ADAMTS20: variants seen among roughly 807,000 people sequenced by gnomAD.
ADAMTS20 encodes the protein ADAM metallopeptidase with thrombospondin type 1 motif 20, also known as A disintegrin and metalloproteinase with thrombospondin motifs 20.
In ADAMTS20, 225 loss-of-function variants were observed where a neutral mutation model predicts 260.1. The ratio of observed to expected loss-of-function variants is 0.87; its 90% CI spans 0.78 to 0.97. The LOEUF is 0.97. ADAMTS20 is among the 50% of genes least tolerant of loss of function. The pLI is 0.00. For synonymous variants in ADAMTS20, 802 were observed against 769.5 expected (o/e 1.04, Z -0.70); for missense variants, 2,400 against 2,337.7 (o/e 1.03, Z -0.55).
intron 29 of ADAMTS20, among the ~76,000 whole-genome samples, chr12:43,385,885 G>T (rs1940461699): frequency 1.3e-5 from 2 of 152,080 alleles, no homozygotes; most frequent in African/African-American, 2.4e-5. Context: ...AGTCTTGGGA[G>T]GGTTTATGCG....
At chr12:43,485,094 C>CA (rs59409245) in intron 7 of ADAMTS20, among the ~76,000 whole-genome samples, 3,133 of 118,658 alleles carry the variant, frequency 0.026, 64 homozygotes, top group Middle Eastern at 0.039. Context: ...AGGACGTAGC[C>CA]AAAAAAAAAA....
intron 7 of ADAMTS20, among the ~76,000 whole-genome samples, chr12:43,477,655 TTC>T (rs143217172): frequency 6.6e-5 from 10 of 150,834 alleles, no homozygotes; most frequent in Admixed American, 6.6e-5. Context: ...GTCTCTTTCT[TTC>T]TCTCTCTCTC....
At position 43,420,800 on chromosome 12, in the gene ADAMTS20, C is replaced by CTTTTTTTTTTTTTTTTTTTTT. The variant is rs747496684; in HGVS notation, c.4284+4693_4284+4713dup. ...TCTTCTTCTTCTCCTCCTCCTCCTTCTTTTTTTTTTTTTTTTTTTTTTTTT... is the reference window on the plus strand; with the variant it reads ...TCTTCTTCTTCTCCTCCTCCTCCTTCTTTTTTTTTTTTTTTTTTTTTTTTTTTTTTTTTTTTTTTTTTTTTT... On this transcript the variant is annotated intron_variant, in intron 28 of 38. Transcript: ENST00000389420. Among the ~76,000 whole-genome samples, 167 of 55,500 alleles carry CTTTTTTTTTTTTTTTTTTTTT rather than the reference C, an allele frequency of 3.0e-3. 23 individuals carry two copies. The highest frequency in any genetic ancestry group is 0.018 in the East Asian group (13 of 734). 36.4% of individuals were successfully genotyped at this position (55,500 alleles called of 152,430 possible).
chr12:43,520,950 T>C (rs901522755), intron 3 of ADAMTS20, among the ~76,000 whole-genome samples: 4 of 152,222 alleles, frequency 2.6e-5, no homozygotes, highest in African/African-American at 9.6e-5. Context: ...ATCTTCTTCG[T>C]AAAGTACAAA....
chr12:43,489,299 A>G (rs531788713), intron 7 of ADAMTS20, among the ~76,000 whole-genome samples: 8 of 148,176 alleles, frequency 5.4e-5, no homozygotes, highest in African/African-American at 1.6e-4. Flanking sequence ...TTTCACACAT[A>G]AAAGAATGAA....
At chr12:43,472,555 T>G (rs1023030504) in intron 7 of ADAMTS20, among the ~76,000 whole-genome samples, 1 of 132,636 alleles carries the variant, frequency 7.5e-6, no homozygotes, top group African/African-American at 2.9e-5. Flanking sequence ...AAAGTTGAAA[T>G]GAAGGAAAAA....
Position 43,483,707 on chromosome 12 carries a change from G to C in ADAMTS20, c.1117+6688C>G, listed in dbSNP as rs189384678. Among the ~76,000 whole-genome samples, 5 of 152,082 alleles carry C rather than the reference G, an allele frequency of 3.3e-5. 1 individual carries two copies. Among genetic ancestry groups the C allele is most frequent in the Non-Finnish European group, 7.4e-5 (5 of 67,998 alleles). On this transcript the variant is annotated intron_variant, in intron 7 of 38. Coordinates refer to ENST00000389420, the MANE Select transcript of ADAMTS20 (RefSeq NM_025003.5). ...CCTGCTGGCTTGGAAGGAGAGTCAC[G>C]GTGGCTCCTTCTCTTCCCCTTGAAA...
At chr12:43,530,613 C>T (rs1224690509) in intron 3 of ADAMTS20, among the ~76,000 whole-genome samples, 1 of 152,126 alleles carries the variant, frequency 6.6e-6, no homozygotes, top group East Asian at 1.9e-4. Context: ...CGGACACCTA[C>T]GATCTCAAAT....
chr12:43,528,429 T>A (rs1943176572), intron 3 of ADAMTS20, among the ~76,000 whole-genome samples: 1 of 139,002 alleles, frequency 7.2e-6, no homozygotes, highest in African/African-American at 2.7e-5. Context: ...AAGGCTATAG[T>A]AACCAAAACA....
In ADAMTS20 at chr12:43,376,093, T is replaced by C. The variant is rs1246068626; in HGVS notation, c.5276A>G (p.Gln1759Arg). ...CACTTCAGAAAAGTTTTCTTCACCT[T>C]GGACCAGTGTTAAATATTCCTTAGG... ...ENPKEYLTLV[Q>R]GEENFSEVYG... Residue 1759 changes from glutamine (Q) to arginine (R), a missense_variant, in exon 35 of 39, where the codon CAA becomes CGA. By Grantham distance (43) the Gln-to-Arg change is conservative. Coordinates refer to ENST00000389420, the MANE Select transcript of ADAMTS20 (RefSeq NM_025003.5). 1.2e-6 allele frequency: 2 copies of C among 1,610,974 alleles called. No homozygotes were observed. Among genetic ancestry groups the C allele is most frequent in the African/African-American group, 2.7e-5 (2 of 74,892 alleles).
chr12:43,537,949 G>A (rs1471767751), intron 2 of ADAMTS20, among the ~76,000 whole-genome samples: 1 of 152,076 alleles, frequency 6.6e-6, no homozygotes, highest in Non-Finnish European at 1.5e-5. Flanking sequence ...CCAAATCTTG[G>A]CTATTGTGAA....
At chr12:43,439,474 G>C in intron 18 of ADAMTS20, 148 bp downstream of exon 18, 1 of 894,576 alleles carries the variant, frequency 1.1e-6, no homozygotes, top group Non-Finnish European at 1.6e-6. Context: ...AAAGTAGAAA[G>C]GAAAAAAAGA....
intron 32 of ADAMTS20, among the ~76,000 whole-genome samples, chr12:43,377,084 C>T (rs1322137988): frequency 6.6e-6 from 1 of 152,094 alleles, no homozygotes; most frequent in Non-Finnish European, 1.5e-5. Context: ...TTCACTTAAC[C>T]AATAAATATT....
intron 11 of ADAMTS20, among the ~76,000 whole-genome samples, chr12:43,461,283 G>A (rs1813731504): frequency 6.6e-6 from 1 of 151,652 alleles, no homozygotes; most frequent in African/African-American, 2.4e-5. Flanking sequence ...GAGTCACCGT[G>A]CCCAGCCACA....
intron 31 of ADAMTS20, among the ~76,000 whole-genome samples, chr12:43,380,615 G>A (rs1028044107): frequency 1.3e-5 from 2 of 152,018 alleles, no homozygotes; most frequent in Middle Eastern, 3.4e-3. Flanking sequence ...CTATACACAA[G>A]CAACGAATAA....
At chr12:43,537,592 G>T (rs1943314624) in intron 2 of ADAMTS20, among the ~76,000 whole-genome samples, 2 of 151,886 alleles carry the variant, frequency 1.3e-5, no homozygotes, top group South Asian at 2.1e-4. Context: ...GTCACCTGTT[G>T]TACTAGCAAA....
chr12:43,417,491 G>A (rs1360246911), intron 28 of ADAMTS20, among the ~76,000 whole-genome samples: 2 of 152,204 alleles, frequency 1.3e-5, no homozygotes, highest in Non-Finnish European at 1.5e-5. Flanking sequence ...GGGTAAATTA[G>A]TGTATGAGCT....
At chr12:43,537,280 C>T (rs567941115) in intron 2 of ADAMTS20, among the ~76,000 whole-genome samples, 4 of 151,912 alleles carry the variant, frequency 2.6e-5, no homozygotes, top group South Asian at 4.2e-4. Flanking sequence ...GTCCCGAACT[C>T]CTGAGTTCAA....
chr12:43,431,451 A>T lies in ADAMTS20; in HGVS notation c.3142T>A (p.Cys1048Ser). 1 of 1,613,982 alleles carries T rather than the reference A, an allele frequency of 6.2e-7. No individual in the cohort carries two copies. The highest frequency in any genetic ancestry group is 8.5e-7 in the Non-Finnish European group (1 of 1,179,874). Residue 1048 changes from cysteine (C) to serine (S), a missense_variant, in exon 22 of 39, where the codon TGT becomes AGT. By Grantham distance (112) the Cys-to-Ser change is moderately radical. Transcript: ENST00000389420. Reference sequence around the variant, plus strand: ...CTCAAGTGATCTACATTCAGCTGACACCATACCTGCCGCTGCTTTGTTCCT... The same window carrying T: ...CTCAAGTGATCTACATTCAGCTGACTCCATACCTGCCGCTGCTTTGTTCCT... ...GKGTKQRQVW[C>S]QLNVDHLSDG... is the part of the protein sequence containing the mutation.
Sources: allele counts gnomAD v4.1 joint callset (sites outside exome capture counted in the v4.1 genomes callset), GRCh38; gene constraint gnomAD v4.1.1; transcripts MANE v1.5; gene names NCBI Gene and HGNC (gene_info 2026-07-23, HGNC 2026-07-21).